FDX2: variants seen among roughly 807,000 people sequenced by gnomAD.
FDX2 encodes the protein ferredoxin 2, also known as ferredoxin-2, mitochondrial.
A neutral mutation model predicts 18.5 loss-of-function variants in FDX2; 13 were observed. The observed-to-expected ratio is 0.70, with a 90% CI of 0.46 to 1.12. The LOEUF is 1.12. Among genes scored for constraint, FDX2 ranks in the 50% most tolerant of loss-of-function variants. The probability of loss-of-function intolerance (pLI) is 0.00; values close to 1 mark genes in which losing one functional copy is unlikely to be tolerated. For missense variants in FDX2, 238 were observed against 250.4 expected, an observed-to-expected ratio of 0.95 and a Z score of 0.34; for synonymous variants, 132 against 106.2, an observed-to-expected ratio of 1.24 and a Z score of -1.49.
At chr19:10,315,326 T>TTTTC in intron 3 of FDX2, 60 bp downstream of exon 3, 1 of 1,006,798 alleles carries the variant, frequency 9.9e-7, no homozygotes, top group Non-Finnish European at 1.4e-6. Flanking sequence ...TGGGTTTTTT[T>TTTTC]TTTTTTTTTT....
intron 3 of FDX2, among the ~76,000 whole-genome samples, chr19:10,312,397 C>A (rs1352721057): frequency 2.0e-5 from 3 of 152,146 alleles, no homozygotes; most frequent in Admixed American, 6.6e-5. Flanking sequence ...CCTCTGATCA[C>A]AGAGACCGGT....
Position 10,310,628 on chromosome 19 carries a change from A to C in FDX2, c.419T>G (p.Leu140Arg). 6.3e-7 allele frequency: 1 copy of C among 1,591,662 alleles called. No homozygotes were observed. The highest frequency in any genetic ancestry group is 8.6e-7 in the Non-Finnish European group (1 of 1,166,718). ...CTCCTGGAGGAGGGGGGCCATGTCT[A>C]GCATGTCGTCTTCCCTAGGGTGGTG... The change falls in exon 5 of 5, where the codon CTA (leucine) becomes CGA (arginine). Residue 140 changes from leucine (L) to arginine (R), a missense_variant. Leu to Arg is a moderately radical substitution (Grantham distance 102). Coordinates refer to ENST00000393708, the MANE Select transcript of FDX2 (RefSeq NM_001031734.4).
At position 10,310,515 on chromosome 19, in the gene FDX2, C is replaced by T. The variant is rs139721557; in HGVS notation, c.532G>A (p.Val178Met). The T allele has an allele frequency of 1.1e-5, 17 of 1,614,048 alleles. No homozygotes were observed. In the African/African-American group the frequency reaches 1.6e-4, roughly 15 times the overall value. Reference sequence around the variant, plus strand: ...TGGGGCTTGGGGACATGGCCATCCACGTAGAAGTTCCTGGTGATCTTGGGC... The same window carrying T: ...TGGGGCTTGGGGACATGGCCATCCATGTAGAAGTTCCTGGTGATCTTGGGC... Residue 178 changes from valine (V) to methionine (M), a missense_variant, in exon 5 of 5, where the codon GTG becomes ATG. By Grantham distance (21) the Val-to-Met change is conservative. Transcript: ENST00000393708.
chr19:10,310,225 T>A lies in FDX2; in HGVS notation c.*261A>T. On this transcript the variant is annotated 3_prime_UTR_variant, in exon 5 of 5. Transcript: ENST00000393708. ...ACTCAACATGCTGGGGCCTGTGTTA[T>A]CGATTTATTGCAGCTCCAATATGAG... 1 of 517,572 alleles carries A rather than the reference T, an allele frequency of 1.9e-6. No homozygotes were observed. 32.1% of individuals were successfully genotyped at this position (517,572 alleles called of 1,614,324 possible). A position where few individuals can be genotyped will look rare whatever the true frequency, so the allele number is the denominator to read the frequency against.
At chr19:10,310,668 A>G in intron 4 of FDX2, 26 bp from the exon 5 acceptor site, 1 of 1,365,776 alleles carries the variant, frequency 7.3e-7, no homozygotes, top group African/African-American at 1.6e-5. Context: ...GGGCAGTGTT[A>G]GCCGAGGGCA....
chr19:10,314,824 CT>C (rs1477768605), intron 3 of FDX2, among the ~76,000 whole-genome samples: 1 of 152,218 alleles, frequency 6.6e-6, no homozygotes, highest in Non-Finnish European at 1.5e-5. Context: ...CCAGTGTGGG[CT>C]GGGCGCGGTG....
intron 3 of FDX2, 49 bp downstream of exon 3, chr19:10,315,337 T>TTTTGACAAA: frequency 9.4e-7 from 1 of 1,064,554 alleles, no homozygotes; most frequent in Non-Finnish European, 1.3e-6. Flanking sequence ...TTTTTTTTTT[T>TTTTGACAAA]TGGACAAATG....
At chr19:10,315,182 G>A (rs1314757578) in intron 3 of FDX2, 1 of 532,896 alleles carries the variant, frequency 1.9e-6, no homozygotes, top group Non-Finnish European at 3.4e-6. Context: ...AAAATCCTGG[G>A]AGCCAGGAGT....
At chr19:10,315,317 GGGTTTTT>G in intron 3 of FDX2, 62 bp downstream of exon 3, 13 of 212,888 alleles carry the variant, frequency 6.1e-5, no homozygotes, top group South Asian at 2.0e-4. Flanking sequence ...CCTAATTTGT[GGGTTTTT>G]TTTTTTTTTT....
At chr19:10,315,337 T>TTTTTTTGACAAA in intron 3 of FDX2, 49 bp downstream of exon 3, 3 of 1,064,550 alleles carry the variant, frequency 2.8e-6, no homozygotes, top group South Asian at 1.6e-5. Context: ...TTTTTTTTTT[T>TTTTTTTGACAAA]TGGACAAATG....
At chr19:10,310,728 C>G in intron 4 of FDX2, 86 bp from the exon 5 acceptor site, 2 of 1,344,344 alleles carry the variant, frequency 1.5e-6, no homozygotes, top group Non-Finnish European at 2.0e-6. Context: ...AGGAAGCTGA[C>G]TGAGCGCAGG....
intron 3 of FDX2, 37 bp from the exon 4 acceptor site, chr19:10,310,977 CAG>C (rs767912133): frequency 1.5e-5 from 23 of 1,508,998 alleles, no homozygotes; most frequent in South Asian, 5.9e-5. Flanking sequence ...AGGTGAGTGG[CAG>C]AGTCAGGAAG....
intron 3 of FDX2, among the ~76,000 whole-genome samples, chr19:10,311,937 C>T: frequency 7.3e-6 from 1 of 137,196 alleles, no homozygotes; most frequent in Admixed American, 7.9e-5. Context: ...ATGGTATGAT[C>T]TCGGCTCAAT....
chr19:10,311,036 C>T (rs2040318909), intron 3 of FDX2, 96 bp from the exon 4 acceptor site: 4 of 820,890 alleles, frequency 4.9e-6, no homozygotes, highest in African/African-American at 3.5e-5. Flanking sequence ...TCTTCCACCA[C>T]GTGCCTCACG....
In FDX2 at chr19:10,310,099, TTA is replaced by T; in HGVS notation, c.*385_*386del. The stretch of plus-strand genomic sequence containing the variant: ...TCTCGCCATGTTGCCCAGGATGGTC[TTA>T]AGCTCCTGGCCTCAAGTGATCCTCC... On this transcript the variant is annotated 3_prime_UTR_variant, in exon 5 of 5. Coordinates refer to ENST00000393708, the MANE Select transcript of FDX2 (RefSeq NM_001031734.4). 4.5e-6 allele frequency: 1 copy of T among 220,238 alleles called. No homozygotes were observed. Among genetic ancestry groups the T allele is most frequent in the Admixed American group, 5.1e-5 (1 of 19,520 alleles). The allele number at this position is 220,238 out of a possible 1,614,324, so 13.6% of individuals were successfully genotyped here.
Sources: allele counts gnomAD v4.1 joint callset (sites outside exome capture counted in the v4.1 genomes callset), GRCh38; gene constraint gnomAD v4.1.1; transcripts MANE v1.5; gene names NCBI Gene and HGNC (gene_info 2026-07-23, HGNC 2026-07-21).